The following RASGEF1A variants were observed in gnomAD, a reference collection of about 807,000 sequenced individuals.
The protein encoded by RASGEF1A is RasGEF domain family member 1A, also known as ras-GEF domain-containing family member 1A.
Under a neutral mutation model 56.4 loss-of-function variants are expected in RASGEF1A, and 18 were observed. The ratio of observed to expected loss-of-function variants is 0.32; its 90% CI spans 0.22 to 0.47. The LOEUF is 0.47. Ranked by LOEUF, RASGEF1A falls within the 20% of genes least tolerant of loss-of-function variation. The pLI, the probability that RASGEF1A is intolerant of heterozygous loss-of-function variation, is 1.00. For synonymous variants in RASGEF1A, 245 were observed against 242.6 expected (o/e 1.01, Z -0.09); for missense variants, 422 against 627.1 (o/e 0.67, Z 3.49).
At chr10:43,251,494 CAG>C (rs745597515) in intron 1 of RASGEF1A, among the ~76,000 whole-genome samples, 1 of 152,174 alleles carries the variant, frequency 6.6e-6, no homozygotes, top group African/African-American at 2.4e-5. Context: ...AAAAGCCACA[CAG>C]ATTGATTTAC....
chr10:43,217,046 TGA>T (rs1201108892), intron 1 of RASGEF1A, among the ~76,000 whole-genome samples: 1 of 152,102 alleles, frequency 6.6e-6, no homozygotes, highest in Non-Finnish European at 1.5e-5. Context: ...CCACCTGCAC[TGA>T]GAGGCATCGT....
chr10:43,218,223 G>A (rs1840162247), intron 1 of RASGEF1A, among the ~76,000 whole-genome samples: 1 of 152,206 alleles, frequency 6.6e-6, no homozygotes, highest in Non-Finnish European at 1.5e-5. Flanking sequence ...CACAGCTCTT[G>A]GGAGCTGGTG....
chr10:43,218,753 C>T (rs1037407888), intron 1 of RASGEF1A, among the ~76,000 whole-genome samples: 9 of 152,276 alleles, frequency 5.9e-5, no homozygotes, highest in Admixed American at 2.0e-4. Context: ...AACAAGGAGG[C>T]GGCTGCCATG....
chr10:43,200,957 A>C, intron 4 of RASGEF1A, 69 bp from the exon 5 acceptor site: 2 of 1,421,002 alleles, frequency 1.4e-6, no homozygotes, highest in Non-Finnish European at 2.0e-6. Context: ...TGTGGGTAGG[A>C]TCCATCTCAC....
At chr10:43,232,487 T>TTTC (rs1840383738) in intron 1 of RASGEF1A, among the ~76,000 whole-genome samples, 1 of 136,150 alleles carries the variant, frequency 7.3e-6, no homozygotes, top group Admixed American at 7.1e-5. Context: ...GTCTCCGGCT[T>TTTC]TTTTTTTTTT....
chr10:43,209,160 C>T (rs970449956), intron 1 of RASGEF1A: 1 of 985,478 alleles, frequency 1.0e-6, no homozygotes, highest in African/African-American at 1.7e-5. Flanking sequence ...GCTCTTGGCT[C>T]CAGTCACAGC....
intron 1 of RASGEF1A, among the ~76,000 whole-genome samples, chr10:43,227,098 G>A (rs970894038): frequency 4.6e-5 from 7 of 152,190 alleles, no homozygotes; most frequent in African/African-American, 1.7e-4. Context: ...TGGGTTAAGG[G>A]GGAAAAGGGA....
At chr10:43,206,573 C>T in intron 1 of RASGEF1A, 1 of 1,001,728 alleles carries the variant, frequency 1.0e-6, no homozygotes, top group Non-Finnish European at 1.2e-6. Flanking sequence ...GAGATGTGTG[C>T]AGCGGGGAGC....
At chr10:43,266,393 C>A (rs1836624350) in intron 1 of RASGEF1A, among the ~76,000 whole-genome samples, 1 of 152,168 alleles carries the variant, frequency 6.6e-6, no homozygotes, top group Admixed American at 6.5e-5. Flanking sequence ...GATACCACGG[C>A]GGGGCCCAGA....
chr10:43,207,184 C>T, intron 1 of RASGEF1A: 5 of 985,514 alleles, frequency 5.1e-6, no homozygotes, highest in Non-Finnish European at 6.0e-6. Context: ...CCTCAACCTC[C>T]TGGCCCTCAA....
intron 9 of RASGEF1A, 50 bp downstream of exon 9, chr10:43,198,883 C>A (rs753430506): frequency 5.2e-6 from 8 of 1,547,350 alleles, no homozygotes; most frequent in African/African-American, 1.4e-5. Flanking sequence ...CGGGCCATTG[C>A]GGGACGAAAT....
intron 1 of RASGEF1A, among the ~76,000 whole-genome samples, chr10:43,223,463 G>A (rs1328543581): frequency 2.0e-5 from 3 of 152,132 alleles, no homozygotes; most frequent in Non-Finnish European, 4.4e-5. Flanking sequence ...ACTCTGTATC[G>A]AATTTGATAT....
At chr10:43,242,848 G>C (rs1462948719) in intron 1 of RASGEF1A, among the ~76,000 whole-genome samples, 1 of 152,100 alleles carries the variant, frequency 6.6e-6, no homozygotes, top group African/African-American at 2.4e-5. Flanking sequence ...TGTTGCCCAG[G>C]CTGGAGTGCA....
At chr10:43,215,092 G>A (rs898117182) in intron 1 of RASGEF1A, among the ~76,000 whole-genome samples, 2 of 152,184 alleles carry the variant, frequency 1.3e-5, no homozygotes, top group Non-Finnish European at 2.9e-5. Flanking sequence ...ACATTCCCAC[G>A]ACCTGCAGAT....
intron 1 of RASGEF1A, among the ~76,000 whole-genome samples, chr10:43,217,273 G>A (rs1452749727): frequency 2.0e-5 from 3 of 152,184 alleles, no homozygotes; most frequent in African/African-American, 7.2e-5. Context: ...CCTGCCCCAG[G>A]CAGCCCCCAG....
intron 1 of RASGEF1A, among the ~76,000 whole-genome samples, chr10:43,265,606 CAA>C (rs2133234817): frequency 6.6e-6 from 1 of 152,378 alleles, no homozygotes; most frequent in East Asian, 1.9e-4. Flanking sequence ...GGTTCCAAAG[CAA>C]AGTGTCACTG....
At chr10:43,201,539 G>A (rs1280106057) in intron 4 of RASGEF1A, among the ~76,000 whole-genome samples, 1 of 152,226 alleles carries the variant, frequency 6.6e-6, no homozygotes, top group Admixed American at 6.5e-5. Context: ...GACAGCAAGG[G>A]CCAGGAGAGG....
intron 1 of RASGEF1A, among the ~76,000 whole-genome samples, chr10:43,214,451 C>G (rs1013727597): frequency 5.3e-5 from 8 of 152,206 alleles, no homozygotes; most frequent in African/African-American, 1.4e-4. Flanking sequence ...ACCCCGCCCC[C>G]CTTCGTAGGT....
intron 1 of RASGEF1A, among the ~76,000 whole-genome samples, chr10:43,221,067 T>C (rs554754064): frequency 2.0e-5 from 3 of 152,244 alleles, no homozygotes; most frequent in Admixed American, 6.5e-5. Context: ...CTCTTTTCCA[T>C]TGGAGGCCAC....
Sources: gnomAD v4.1 joint callset for allele counts (sites outside exome capture counted in the v4.1 genomes callset) on GRCh38, gnomAD v4.1.1 for gene constraint, MANE v1.5 for transcripts, NCBI Gene and HGNC (gene_info 2026-07-23, HGNC 2026-07-21) for gene names.